Variants in TRPV4 observed in about 807,000 individuals in gnomAD.
TRPV4 encodes OSM9-like transient receptor potential channel 4.
A neutral mutation model predicts 84.1 loss-of-function variants in TRPV4; 58 were observed. The observed-to-expected ratio is 0.69, with a 90% confidence interval of 0.56 to 0.86. The LOEUF (loss-of-function observed/expected upper bound fraction) is 0.86, where lower values mean the gene tolerates loss of function less well. TRPV4 is among the 40% of genes least tolerant of loss of function. TRPV4 has a pLI of 0.00. For synonymous variants in TRPV4, 489 were observed against 500.9 expected, an observed-to-expected ratio of 0.98 and a Z score of 0.32; for missense variants, 879 against 1,181.1, an observed-to-expected ratio of 0.74 and a Z score of 3.75.
intron 3 of TRPV4, among the ~76,000 whole-genome samples, chr12:109,803,491 T>C (rs912519266): frequency 5.3e-5 from 8 of 152,188 alleles, no homozygotes; most frequent in Non-Finnish European, 7.3e-5. Flanking sequence ...CGCTCTGTCA[T>C]CCAGCCTGGG....
intron 2 of TRPV4, among the ~76,000 whole-genome samples, chr12:109,813,067 A>G (rs1328433817): frequency 6.6e-6 from 1 of 152,198 alleles, no homozygotes; most frequent in Non-Finnish European, 1.5e-5. Context: ...AGAGATGGAC[A>G]GACAAGTAGA....
Position 109,816,535 on chromosome 12 carries a change from T to C in TRPV4, c.-31-1708A>G, listed in dbSNP as rs553638741. Among the ~76,000 whole-genome samples the C allele has an allele frequency of 4.2e-4, 64 of 152,238 alleles. No homozygotes were observed. In the East Asian group the frequency reaches 0.011, roughly 27 times the overall value. On this transcript the variant is annotated intron_variant, in intron 1 of 15. Transcript: ENST00000261740. ...GCTCACGCCTGTAACCCCAGCACTT[T>C]GGGAGGCCGAGGCGGGTGGATCACT...
intron 1 of TRPV4, among the ~76,000 whole-genome samples, chr12:109,822,532 G>A (rs1259169473): frequency 1.3e-5 from 2 of 152,234 alleles, no homozygotes; most frequent in African/African-American, 2.4e-5. Flanking sequence ...TCAGAGAGGC[G>A]AAGTCATTTG....
intron 5 of TRPV4, among the ~76,000 whole-genome samples, chr12:109,800,067 C>G (rs560515601): frequency 6.6e-6 from 1 of 152,222 alleles, no homozygotes; most frequent in Non-Finnish European, 1.5e-5. Context: ...CTCAGCCTCC[C>G]AAGTAGCTGG....
chr12:109,821,243 A>G (rs1484798031), intron 1 of TRPV4, among the ~76,000 whole-genome samples: 2 of 152,244 alleles, frequency 1.3e-5, no homozygotes, highest in East Asian at 3.9e-4. Flanking sequence ...CCAGGCATCA[A>G]TGCAGTGGCA....
intron 1 of TRPV4, among the ~76,000 whole-genome samples, chr12:109,821,312 CAGGAGGGA>C (rs980645710): frequency 7.2e-5 from 11 of 152,330 alleles, no homozygotes; most frequent in African/African-American, 2.6e-4. Flanking sequence ...ACTCGCAGTC[CAGGAGGGA>C]AGGCTGATGG....
chr12:109,786,412 G>A lies in TRPV4; in HGVS notation c.2336+298C>T, dbSNP rs59932037. 2.6e-5 allele frequency among the ~76,000 whole-genome samples: 4 copies of A among 152,348 alleles called. No homozygotes were observed. Among genetic ancestry groups the A allele is most frequent in the East Asian group, 1.9e-4 (1 of 5,190 alleles). ...GAGCAAGAACAGGGGAGCCTGTGGC[G>A]TCCCGATGCGCGTCGGGCACTGGCT... On this transcript the variant is annotated intron_variant, in intron 14 of 15. Transcript: ENST00000261740. This position sits in a 1 kb window ranked among gnomAD's most constrained non-coding sequence, Gnocchi z 4.5.
chr12:109,783,562 C>T lies in TRPV4; in HGVS notation c.*59G>A. On this transcript the variant is annotated 3_prime_UTR_variant, in exon 16 of 16. Coordinates refer to ENST00000261740, the MANE Select transcript of TRPV4 (RefSeq NM_021625.5). The surrounding 1 kb of genome is among the most constrained non-coding windows in gnomAD (Gnocchi z 4.6). The stretch of plus-strand genomic sequence containing the variant: ...TGGGGGGACACCCCAGAAGGCACTG[C>T]TGAAATGCGGCTGGACTAGAAATGA... 6.3e-7 allele frequency: 1 copy of T among 1,583,850 alleles called. No individual in the cohort carries two copies. The highest frequency in any genetic ancestry group is 2.2e-5 in the East Asian group (1 of 44,654).
At chr12:109,795,657 G>T (rs570885986) in intron 7 of TRPV4, among the ~76,000 whole-genome samples, 2 of 152,234 alleles carry the variant, frequency 1.3e-5, no homozygotes, top group East Asian at 1.9e-4. Flanking sequence ...TACATGCAGC[G>T]ACAATATTAC....
At chr12:109,790,871 C>T (rs1048707784) in intron 12 of TRPV4, among the ~76,000 whole-genome samples, 3 of 152,200 alleles carry the variant, frequency 2.0e-5, no homozygotes, top group Non-Finnish European at 2.9e-5. Flanking sequence ...GTTCTTGGAA[C>T]CCTAAGGCCA....
chr12:109,829,037 T>A (rs763901724), intron 1 of TRPV4, among the ~76,000 whole-genome samples: 64 of 152,178 alleles, frequency 4.2e-4, no homozygotes, highest in South Asian at 6.2e-4. Context: ...CCTTTTTTTT[T>A]AATAAGCTGG....
intron 6 of TRPV4, among the ~76,000 whole-genome samples, chr12:109,797,998 T>C (rs988365846): frequency 6.6e-6 from 1 of 152,170 alleles, no homozygotes; most frequent in African/African-American, 2.4e-5. Flanking sequence ...GGACAGGTGC[T>C]CCTGCCTCTA....
chr12:109,784,700 G>A lies in TRPV4; in HGVS notation c.2337-263C>T, dbSNP rs1239428057. ...AAAAAAAATTAAAAAAAAAATTAGC[G>A]GGGCATGGTGGCGGGTGCCTATAGT... is the stretch of plus-strand genomic sequence containing the variant. On this transcript the variant is annotated intron_variant, in intron 14 of 15. Coordinates refer to ENST00000261740, the MANE Select transcript of TRPV4 (RefSeq NM_021625.5). Among the ~76,000 whole-genome samples the A allele has an allele frequency of 2.6e-5, 4 of 151,500 alleles. No individual in the cohort carries two copies. The East Asian group carries it at 5.8e-4, about 22-fold the overall frequency.
At position 109,814,404 on chromosome 12, in the gene TRPV4, TACTC is replaced by T; in HGVS notation, c.386+3_386+6del. 3.1e-6 allele frequency: 5 copies of T among 1,613,818 alleles called. No individual in the cohort carries two copies. Among genetic ancestry groups the T allele is most frequent in the Non-Finnish European group, 3.4e-6 (4 of 1,179,940 alleles). On this transcript the variant is annotated splice_donor_5th_base_variant and intron_variant, in intron 2 of 15. Coordinates refer to ENST00000261740, the MANE Select transcript of TRPV4 (RefSeq NM_021625.5). The surrounding 1 kb of genome is among the most constrained non-coding windows in gnomAD (Gnocchi z 5.4). ...AGACCACAGGCCAGGAAGCTAACAA[TACTC>T]ACTCTATGATCTTCTTCCTCCACCT...
chr12:109,795,456 A>G (rs1014938361), intron 7 of TRPV4, among the ~76,000 whole-genome samples: 6 of 152,198 alleles, frequency 3.9e-5, no homozygotes, highest in Admixed American at 1.3e-4. Context: ...GACCACCTGC[A>G]CCCAGTCCCC....
In TRPV4 at chr12:109,784,500, C is replaced by G. The variant is rs1381679500; in HGVS notation, c.2337-63G>C. The stretch of plus-strand genomic sequence containing the variant: ...CAGAGACGCTCTCCATGCCACCATC[C>G]CCAGCACACCCTCCTATTTTTTTAT... On this transcript the variant is annotated intron_variant, in intron 14 of 15. Coordinates refer to ENST00000261740, the MANE Select transcript of TRPV4 (RefSeq NM_021625.5). 3.1e-6 allele frequency: 5 copies of G among 1,612,010 alleles called. No homozygotes were observed. The African/African-American group carries it at 6.7e-5, about 22-fold the overall frequency.
rs185135444 is a variant in TRPV4, at chr12:109,805,874, G to C, written c.559+2422C>G. On this transcript the variant is annotated intron_variant, in intron 3 of 15. Coordinates refer to ENST00000261740, the MANE Select transcript of TRPV4 (RefSeq NM_021625.5). ...GACTATGCTAGAAGCCCCCAACTCA[G>C]TCCTGAATTCAGAAGAAGCCAGAGG... is the stretch of plus-strand genomic sequence containing the variant. Among the ~76,000 whole-genome samples, 3 of 152,316 alleles carry C rather than the reference G, an allele frequency of 2.0e-5. No homozygotes were observed. The East Asian group carries it at 5.8e-4, about 29-fold the overall frequency.
At chr12:109,805,433 T>A (rs1397591714) in intron 3 of TRPV4, among the ~76,000 whole-genome samples, 2 of 152,082 alleles carry the variant, frequency 1.3e-5, no homozygotes, top group Non-Finnish European at 1.5e-5. Context: ...AGAGATGAGG[T>A]GGAACATGCA....
At chr12:109,819,526 C>T (rs546403715) in intron 1 of TRPV4, among the ~76,000 whole-genome samples, 1 of 152,354 alleles carries the variant, frequency 6.6e-6, no homozygotes, top group Non-Finnish European at 1.5e-5. Flanking sequence ...AACATCCTCA[C>T]ACACTGACAT....
Sources: allele counts gnomAD v4.1 joint callset (sites outside exome capture counted in the v4.1 genomes callset), GRCh38; gene constraint gnomAD v4.1.1; non-coding constraint Gnocchi (gnomAD v3.1); transcripts MANE v1.5; gene names NCBI Gene and HGNC (gene_info 2026-07-23, HGNC 2026-07-21).